The following PCDHAC2 variants were observed in gnomAD, a reference collection of about 807,000 sequenced individuals.
PCDHAC2 encodes the protein protocadherin alpha-C2.
PCDHAC2 carries 24 observed loss-of-function variants against 63.3 expected under a neutral mutation model. That is an observed-to-expected ratio of 0.38 (90% CI 0.27 to 0.53). The LOEUF (loss-of-function observed/expected upper bound fraction) is 0.53, where lower values mean the gene tolerates loss of function less well. PCDHAC2 is among the 20% of genes least tolerant of loss of function. PCDHAC2 has a pLI of 0.81. For missense variants in PCDHAC2, 1,181 were observed against 1,275.2 expected (o/e 0.93, Z 1.12); for synonymous variants, 569 against 529.4 (o/e 1.07, Z -1.03).
At chr5:140,969,535 T>C (rs1221394283) in intron 1 of PCDHAC2, 27 of 1,341,822 alleles carry the variant, frequency 2.0e-5, no homozygotes, top group Non-Finnish European at 2.5e-5. Flanking sequence ...TTTTTCATTT[T>C]CAGAGGCATG....
chr5:140,986,355 T>C (rs1381730343), intron 3 of PCDHAC2, among the ~76,000 whole-genome samples: 3 of 152,154 alleles, frequency 2.0e-5, no homozygotes, highest in African/African-American at 7.2e-5. Context: ...CTTCTTCAGA[T>C]GGAGGAATGC....
At chr5:141,008,961 A>G (rs2098395078) in intron 3 of PCDHAC2, among the ~76,000 whole-genome samples, 1 of 152,214 alleles carries the variant, frequency 6.6e-6, no homozygotes, top group Non-Finnish European at 1.5e-5. Context: ...ACATCCTAAT[A>G]CATTTATAGC....
At position 140,966,962 on chromosome 5, in the gene PCDHAC2, G is replaced by A. The variant is rs370831122; in HGVS notation, c.196G>A (p.Gly66Arg). The stretch of plus-strand genomic sequence containing the variant: ...CGTGGGCAACGTGGCTCGCGCGCTG[G>A]GGCTTGAGCTGCGGCGCTTGGGGCC... ...ALVGNVARAL[G>R]LELRRLGPGC... The change falls in exon 1 of 4, where the codon GGG (glycine) becomes AGG (arginine). Residue 66 changes from glycine (G) to arginine (R), a missense_variant. Physicochemically the swap from Gly to Arg is moderately radical, Grantham distance 125 (BLOSUM62 -2). Coordinates refer to ENST00000289269, the MANE Select transcript of PCDHAC2 (RefSeq NM_018899.6). 6.2e-7 allele frequency: 1 copy of A among 1,602,750 alleles called. No individual in the cohort carries two copies. The highest frequency in any genetic ancestry group is 8.5e-7 in the Non-Finnish European group (1 of 1,177,964).
intron 1 of PCDHAC2, among the ~76,000 whole-genome samples, chr5:140,978,590 A>G (rs192815977): frequency 2.0e-4 from 31 of 152,334 alleles, no homozygotes; most frequent in African/African-American, 7.5e-4. Context: ...TGTTCCCTTA[A>G]TGGGGCACTT....
chr5:140,988,847 C>A (rs2097315589), intron 3 of PCDHAC2: 1 of 152,186 alleles, frequency 6.6e-6, no homozygotes, highest in African/African-American at 2.4e-5. Context: ...CTCCTGAAAC[C>A]TATCCAGTCT....
In PCDHAC2 at chr5:140,967,907, A is replaced by C. The variant is rs1311525554; in HGVS notation, c.1141A>C (p.Asn381His). ...CCCAGTGCCTGAGAATGCTACACCC[A>C]ACACCATTGTGGCCGTTCTCAGTGT... ...YSPVPENATP[N>H]TIVAVLSVND... The change falls in exon 1 of 4, where the codon AAC (asparagine) becomes CAC (histidine). Residue 381 changes from asparagine (N) to histidine (H), a missense_variant. Asn to His is a moderately conservative substitution (Grantham distance 68). Coordinates refer to ENST00000289269, the MANE Select transcript of PCDHAC2 (RefSeq NM_018899.6). 1 of 1,614,180 alleles carries C rather than the reference A, an allele frequency of 6.2e-7. No individual in the cohort carries two copies. The highest frequency in any genetic ancestry group is 8.5e-7 in the Non-Finnish European group (1 of 1,180,012).
At chr5:140,997,420 G>A (rs1300822693) in intron 3 of PCDHAC2, among the ~76,000 whole-genome samples, 4 of 152,042 alleles carry the variant, frequency 2.6e-5, no homozygotes, top group African/African-American at 9.7e-5. Flanking sequence ...TTTCTCCTAG[G>A]CTACAAACCT....
intron 3 of PCDHAC2, among the ~76,000 whole-genome samples, chr5:140,990,233 G>A (rs782139012): frequency 5.3e-5 from 8 of 152,128 alleles, no homozygotes; most frequent in Non-Finnish European, 8.8e-5. Flanking sequence ...TGTAACTAGC[G>A]TTGTATTCCT....
intron 3 of PCDHAC2, among the ~76,000 whole-genome samples, chr5:140,993,767 G>T (rs115607244): frequency 1.3e-5 from 2 of 152,010 alleles, no homozygotes; most frequent in African/African-American, 4.8e-5. Flanking sequence ...TTACAATTGC[G>T]CAGTATTTTG....
chr5:140,994,263 C>G (rs1329526022), intron 3 of PCDHAC2, among the ~76,000 whole-genome samples: 1 of 152,160 alleles, frequency 6.6e-6, no homozygotes, highest in African/African-American at 2.4e-5. Flanking sequence ...ATAAGGTAAG[C>G]TAGGCTGCCT....
At chr5:140,998,014 C>T (rs1554256135) in intron 3 of PCDHAC2, among the ~76,000 whole-genome samples, 1 of 152,162 alleles carries the variant, frequency 6.6e-6, no homozygotes, top group Non-Finnish European at 1.5e-5. Context: ...TCCATCCCCA[C>T]CTCGAGCTAG....
intron 1 of PCDHAC2, 102 bp from the exon 2 acceptor site, chr5:140,978,847 G>GA: frequency 6.4e-7 from 1 of 1,570,216 alleles, no homozygotes; most frequent in Non-Finnish European, 8.6e-7. Context: ...TACTTTTTTA[G>GA]ATGCCTGGAA....
rs1478449575 is a variant in PCDHAC2 at position 141,010,392 on chromosome 5, G to A, written c.*455G>A. The stretch of plus-strand genomic sequence containing the variant: ...GCGAGTGCCAGATATTGGCTGAGAC[G>A]AGCCAGCTTAGACTAATTGGTACAA... On this transcript the variant is annotated 3_prime_UTR_variant, in exon 4 of 4. Transcript: ENST00000289269. The A allele has an allele frequency of 8.0e-6, 11 of 1,381,722 alleles. No individual in the cohort carries two copies. The highest frequency in any genetic ancestry group is 7.3e-5 in the African/African-American group (5 of 68,772). The allele number at this position is 1,381,722 out of a possible 1,614,324, so 85.6% of individuals were successfully genotyped here. A position where few individuals can be genotyped will look rare whatever the true frequency, so the allele number is the denominator to read the frequency against.
At chr5:140,999,806 A>G (rs1230100139) in intron 3 of PCDHAC2, among the ~76,000 whole-genome samples, 1 of 152,152 alleles carries the variant, frequency 6.6e-6, no homozygotes, top group African/African-American at 2.4e-5. Context: ...TTTGGGCACA[A>G]AGCAAGAGCT....
At chr5:140,992,020 TGTGTG>T (rs1460938904) in intron 3 of PCDHAC2, among the ~76,000 whole-genome samples, 1 of 51,270 alleles carries the variant, frequency 2.0e-5, no homozygotes, top group African/African-American at 5.9e-5. Flanking sequence ...GGTGGCTCTG[TGTGTG>T]TGTGTGTGTG....
intron 3 of PCDHAC2, among the ~76,000 whole-genome samples, chr5:140,984,016 T>G (rs2153832874): frequency 6.6e-6 from 1 of 152,280 alleles, no homozygotes; most frequent in Non-Finnish European, 1.5e-5. Context: ...TATTGCCAGA[T>G]TGCAAGGGGA....
chr5:140,999,295 T>G (rs1554256739), intron 3 of PCDHAC2, among the ~76,000 whole-genome samples: 1 of 152,238 alleles, frequency 6.6e-6, no homozygotes, highest in Non-Finnish European at 1.5e-5. Context: ...ATTCTTTATT[T>G]CAGAATTTCT....
Position 140,966,731 on chromosome 5 carries a change from G to T in PCDHAC2, c.-36G>T. On this transcript the variant is annotated 5_prime_UTR_variant, in exon 1 of 4. Coordinates refer to ENST00000289269, the MANE Select transcript of PCDHAC2 (RefSeq NM_018899.6). ...CACGGCTGGGGAAGCTGCCGCCTCC[G>T]GCCCTGCCCGGCTGCCTCCGCCGCG... The T allele has an allele frequency of 5.7e-6, 8 of 1,405,136 alleles. No individual in the cohort carries two copies. Among genetic ancestry groups the T allele is most frequent in the Non-Finnish European group, 7.4e-6 (8 of 1,086,644 alleles). 87.0% of individuals were successfully genotyped at this position (1,405,136 alleles called of 1,614,324 possible).
At position 140,967,627 on chromosome 5, in the gene PCDHAC2, C is replaced by G. The variant is rs1218869340; in HGVS notation, c.861C>G (p.Gly287=). The G allele has an allele frequency of 9.9e-6, 16 of 1,614,040 alleles. No individual in the cohort carries two copies. The highest frequency in any genetic ancestry group is 1.3e-5 in the Non-Finnish European group (15 of 1,180,030). ...VKLNASDPDE[G]SNGELRYSLS... ...TGAATGCCTCAGACCCGGATGAGGG[C>G]TCCAATGGTGAGCTCAGGTACTCCT... The change falls in exon 1 of 4, where the codon GGC becomes GGG. Residue 287 remains glycine, a synonymous_variant. Coordinates refer to ENST00000289269, the MANE Select transcript of PCDHAC2 (RefSeq NM_018899.6).
Sources: gnomAD v4.1 joint callset for allele counts (sites outside exome capture counted in the v4.1 genomes callset) on GRCh38, gnomAD v4.1.1 for gene constraint, MANE v1.5 for transcripts, NCBI Gene and HGNC (gene_info 2026-07-23, HGNC 2026-07-21) for gene names.